AGBL1: variants seen among roughly 807,000 people sequenced by gnomAD.
The protein encoded by AGBL1 is AGBL carboxypeptidase 1, also known as cytosolic carboxypeptidase 4.
Under a neutral mutation model 118.9 loss-of-function variants are expected in AGBL1, and 130 were observed. That is an observed-to-expected ratio of 1.09 (90% CI 0.95 to 1.26). The LOEUF is 1.26. Among genes scored for constraint, AGBL1 ranks in the 50% most tolerant of loss-of-function variants. The pLI is 0.00. For synonymous variants in AGBL1, 555 were observed against 478.9 expected, an observed-to-expected ratio of 1.16 and a Z score of -2.08; for missense variants, 1,584 against 1,298.1, an observed-to-expected ratio of 1.22 and a Z score of -3.38.
chr15:86,952,004 G>A (rs982243932), intron 23 of AGBL1, among the ~76,000 whole-genome samples: 2 of 152,134 alleles, frequency 1.3e-5, no homozygotes, highest in South Asian at 2.1e-4. Context: ...AGGCTGAGGC[G>A]GGTGGATCAC....
intron 5 of AGBL1, among the ~76,000 whole-genome samples, chr15:86,208,240 T>A (rs1022260533): frequency 5.9e-5 from 9 of 152,284 alleles, no homozygotes; most frequent in Non-Finnish European, 1.2e-4. Flanking sequence ...TATTGAGGAT[T>A]TTTGCATCGA....
At chr15:86,597,612 T>A (rs73461653) in intron 21 of AGBL1, among the ~76,000 whole-genome samples, 2,652 of 152,258 alleles carry the variant, frequency 0.017, 79 homozygotes, top group African/African-American at 0.06. Context: ...ATAGTTAAGA[T>A]GGACTTGCAG....
intron 18 of AGBL1, among the ~76,000 whole-genome samples, chr15:86,419,302 C>G: frequency 6.6e-6 from 1 of 152,166 alleles, no homozygotes; most frequent in East Asian, 1.9e-4. Context: ...AAAGTGGGTG[C>G]AGCCCATGGA....
chr15:86,634,311 C>T (rs2085040670), intron 21 of AGBL1, among the ~76,000 whole-genome samples: 1 of 152,040 alleles, frequency 6.6e-6, no homozygotes, highest in South Asian at 2.1e-4. Context: ...TAGAAACAAC[C>T]CCAAAGCCGG....
At chr15:86,390,939 G>A (rs889652732) in intron 17 of AGBL1, among the ~76,000 whole-genome samples, 1 of 151,152 alleles carries the variant, frequency 6.6e-6, no homozygotes. Flanking sequence ...CACAGTGCTG[G>A]TATTACAGGC....
rs11856833 is a variant in AGBL1, at chr15:86,264,653, A to C, written c.1482A>C (p.Val494=). ...NSTRTREVVK[V]IDKLLQTHLK... The stretch of plus-strand genomic sequence containing the variant: ...CTAGGACTAGAGAAGTTGTCAAAGT[A>C]ATAGATAAGCTTCTGCAGACACATC... Residue 494 remains valine (V), a synonymous_variant, in exon 11 of 23, where the codon GTA becomes GTC. Coordinates refer to ENST00000614907, the MANE Select transcript of AGBL1 (RefSeq NM_001386094.1). 304,461 of 1,613,800 alleles carry C rather than the reference A, an allele frequency of 0.19. 30,073 individuals are homozygous for C. Among genetic ancestry groups the C allele is most frequent in the Admixed American group, 0.23 (13,818 of 60,006 alleles).
chr15:86,862,130 T>G (rs545861129), intron 22 of AGBL1, among the ~76,000 whole-genome samples: 1 of 152,272 alleles, frequency 6.6e-6, no homozygotes, highest in South Asian at 2.1e-4. Flanking sequence ...CTTAGAATCA[T>G]TTGGGGTTAA....
intron 5 of AGBL1, among the ~76,000 whole-genome samples, chr15:86,193,158 A>T (rs1439470296): frequency 1.3e-5 from 2 of 152,156 alleles, no homozygotes; most frequent in African/African-American, 4.8e-5. Flanking sequence ...TTCACCCCAG[A>T]TGGGAACAGT....
At chr15:86,343,909 C>T (rs1388846715) in intron 17 of AGBL1, among the ~76,000 whole-genome samples, 1 of 152,204 alleles carries the variant, frequency 6.6e-6, no homozygotes, top group Non-Finnish European at 1.5e-5. Flanking sequence ...TGCCTTTCCC[C>T]TTCCTCAAAT....
intron 22 of AGBL1, among the ~76,000 whole-genome samples, chr15:86,889,368 T>C (rs2080017922): frequency 7.2e-6 from 1 of 139,530 alleles, no homozygotes; most frequent in African/African-American, 2.6e-5. Flanking sequence ...GGGTGGGGGG[T>C]ATTTGTGTTT....
At chr15:86,728,951 G>A (rs1052560614) in intron 22 of AGBL1, among the ~76,000 whole-genome samples, 2 of 152,130 alleles carry the variant, frequency 1.3e-5, no homozygotes, top group Non-Finnish European at 2.9e-5. Flanking sequence ...ATTCTCTGAT[G>A]TATCTACAGA....
intron 21 of AGBL1, among the ~76,000 whole-genome samples, chr15:86,556,664 A>G (rs1459216204): frequency 1.3e-5 from 2 of 152,308 alleles, no homozygotes; most frequent in South Asian, 2.1e-4. Context: ...GCAGTATAGA[A>G]ATTTCCATCC....
chr15:86,555,354 G>C (rs2083719602), intron 21 of AGBL1, among the ~76,000 whole-genome samples: 1 of 152,168 alleles, frequency 6.6e-6, no homozygotes, highest in Non-Finnish European at 1.5e-5. Flanking sequence ...GGCTTTGATA[G>C]TCTCCTGGAA....
chr15:86,273,510 C>G (rs924027500), intron 15 of AGBL1, among the ~76,000 whole-genome samples: 1 of 152,132 alleles, frequency 6.6e-6, no homozygotes, highest in African/African-American at 2.4e-5. Flanking sequence ...TATGTGTAAT[C>G]TCTATTCACC....
chr15:86,433,230 C>T (rs987969610), intron 18 of AGBL1, among the ~76,000 whole-genome samples: 1 of 145,594 alleles, frequency 6.9e-6, no homozygotes, highest in Admixed American at 6.9e-5. Flanking sequence ...TCTTCTTCTT[C>T]TCCTCCTCCT....
chr15:86,322,671 G>C (rs935991417), intron 17 of AGBL1, among the ~76,000 whole-genome samples: 3 of 152,144 alleles, frequency 2.0e-5, no homozygotes, highest in African/African-American at 7.2e-5. Flanking sequence ...AATGGGTTAA[G>C]TTATATTCCT....
intron 6 of AGBL1, among the ~76,000 whole-genome samples, chr15:86,242,729 G>T (rs1237175236): frequency 2.0e-5 from 3 of 152,188 alleles, no homozygotes; most frequent in African/African-American, 7.2e-5. Flanking sequence ...TCCCAAAAAG[G>T]ATAAGGCAGT....
At chr15:86,261,051 G>C (rs949454655) in intron 9 of AGBL1, among the ~76,000 whole-genome samples, 1 of 152,314 alleles carries the variant, frequency 6.6e-6, no homozygotes, top group Admixed American at 6.5e-5. Flanking sequence ...TCAAATGAAT[G>C]GGTGTGGCTC....
intron 21 of AGBL1, among the ~76,000 whole-genome samples, chr15:86,664,470 T>G (rs1596348937): frequency 6.6e-6 from 1 of 152,296 alleles, no homozygotes; most frequent in Non-Finnish European, 1.5e-5. Flanking sequence ...TCTCCAAACC[T>G]GTTTAAAACT....
Sources: allele counts gnomAD v4.1 joint callset (sites outside exome capture counted in the v4.1 genomes callset), GRCh38; gene constraint gnomAD v4.1.1; transcripts MANE v1.5; gene names NCBI Gene and HGNC (gene_info 2026-07-23, HGNC 2026-07-21).